The following TMEM87B variants were observed in gnomAD, a reference collection of about 807,000 sequenced individuals.
TMEM87B encodes the protein transmembrane protein 87B.
A neutral mutation model predicts 80.3 loss-of-function variants in TMEM87B; 83 were observed. The ratio of observed to expected loss-of-function variants is 1.03; its 90% confidence interval spans 0.87 to 1.24. The LOEUF is 1.24. TMEM87B is among the 50% of genes most tolerant of loss of function. The pLI, the probability that TMEM87B is intolerant of heterozygous loss-of-function variation, is 0.00. For missense variants in TMEM87B, 625 were observed against 674.4 expected, an observed-to-expected ratio of 0.93 and a Z score of 0.81; for synonymous variants, 219 against 230.5, an observed-to-expected ratio of 0.95 and a Z score of 0.45.
intron 9 of TMEM87B, among the ~76,000 whole-genome samples, chr2:112,087,370 T>C (rs1679178985): frequency 6.6e-6 from 1 of 152,052 alleles, no homozygotes. Context: ...GCCACTATTT[T>C]CTCACTCTCC....
At chr2:112,082,285 T>G (rs1679022092) in intron 8 of TMEM87B, among the ~76,000 whole-genome samples, 1 of 152,188 alleles carries the variant, frequency 6.6e-6, no homozygotes, top group Non-Finnish European at 1.5e-5. Context: ...ATTGACAAGG[T>G]CTTGATCTGT....
chr2:112,109,134 A>G (rs949850163), intron 17 of TMEM87B, among the ~76,000 whole-genome samples: 1 of 152,232 alleles, frequency 6.6e-6, no homozygotes, highest in Non-Finnish European at 1.5e-5. Context: ...GTGTTATTTA[A>G]CTAAACTGTG....
chr2:112,112,830 T>C, intron 17 of TMEM87B, 69 bp from the exon 18 acceptor site: 1 of 1,461,988 alleles, frequency 6.8e-7, no homozygotes, highest in African/African-American at 1.4e-5. Flanking sequence ...TGTGCCTGTA[T>C]TCGGCTTTCG....
At chr2:112,055,783 T>C in intron 1 of TMEM87B, 27 bp downstream of exon 1, 1 of 1,452,318 alleles carries the variant, frequency 6.9e-7, no homozygotes, top group Non-Finnish European at 9.1e-7. Context: ...GACCCAGGCG[T>C]GGCACGTCTC....
At chr2:112,106,509 TTTG>T (rs1679772872) in intron 16 of TMEM87B, among the ~76,000 whole-genome samples, 1 of 152,184 alleles carries the variant, frequency 6.6e-6, no homozygotes, top group African/African-American at 2.4e-5. Flanking sequence ...TAAAATAACA[TTTG>T]TTATCTGTTG....
At chr2:112,102,165 T>C (rs1166264597) in intron 15 of TMEM87B, among the ~76,000 whole-genome samples, 1 of 152,122 alleles carries the variant, frequency 6.6e-6, no homozygotes, top group Non-Finnish European at 1.5e-5. Context: ...CCAGTACAAT[T>C]GAAATGCCAA....
intron 3 of TMEM87B, among the ~76,000 whole-genome samples, chr2:112,065,464 G>T (rs758303057): frequency 4.6e-5 from 7 of 151,962 alleles, no homozygotes; most frequent in Non-Finnish European, 8.8e-5. Flanking sequence ...TGGGCAACAA[G>T]TGAGACCCTG....
At chr2:112,063,280 G>C (rs991543067) in intron 2 of TMEM87B, among the ~76,000 whole-genome samples, 1 of 152,192 alleles carries the variant, frequency 6.6e-6, no homozygotes, top group Non-Finnish European at 1.5e-5. Flanking sequence ...CACTCACTCT[G>C]GGGTAAGCCA....
chr2:112,088,388 C>T (rs1208936543), intron 9 of TMEM87B, among the ~76,000 whole-genome samples: 2 of 152,116 alleles, frequency 1.3e-5, no homozygotes, highest in Admixed American at 6.5e-5. Flanking sequence ...TTGCTCGGCT[C>T]AACTCATAAA....
intron 9 of TMEM87B, among the ~76,000 whole-genome samples, chr2:112,089,283 C>T (rs1268122085): frequency 6.6e-6 from 1 of 152,180 alleles, no homozygotes; most frequent in Non-Finnish European, 1.5e-5. Context: ...TAGAAGTTGG[C>T]ATTTACCTTC....
chr2:112,055,380 C>T lies in TMEM87B; in HGVS notation c.-212C>T, dbSNP rs1054220077. On this transcript the variant is annotated 5_prime_UTR_variant, in exon 1 of 19. Transcript: ENST00000283206. The stretch of plus-strand genomic sequence containing the variant: ...CATCTCCCAGCTGCACGCTCGGGCC[C>T]GGCTCAGAGCCCTAAGCCCTGCCTC... 4 of 545,296 alleles carry T rather than the reference C, an allele frequency of 7.3e-6. No individual in the cohort carries two copies. The highest frequency in any genetic ancestry group is 1.2e-5 in the Non-Finnish European group (4 of 321,934). 33.8% of individuals were successfully genotyped at this position (545,296 alleles called of 1,614,324 possible).
Position 112,097,165 on chromosome 2 carries a change from A to AT in TMEM87B, c.1213+18dup. The AT allele has an allele frequency of 6.3e-7, 1 of 1,592,468 alleles. No individual in the cohort carries two copies. The highest frequency in any genetic ancestry group is 8.5e-7 in the Non-Finnish European group (1 of 1,172,716). The stretch of plus-strand genomic sequence containing the variant: ...TTTGCTGTGCTGGGTAAGCTATTTA[A>AT]TTTTTCTTACAGTAAATTATCTTAG... On this transcript the variant is annotated intron_variant, in intron 12 of 18. Coordinates refer to ENST00000283206, the MANE Select transcript of TMEM87B (RefSeq NM_032824.3).
chr2:112,096,988 T>G (rs1679486886), intron 11 of TMEM87B, 56 bp from the exon 12 acceptor site: 24 of 1,145,890 alleles, frequency 2.1e-5, no homozygotes, highest in South Asian at 2.8e-5. Flanking sequence ...AAGATTCTGT[T>G]TTTTTTTTTT....
intron 18 of TMEM87B, 65 bp from the exon 19 acceptor site, chr2:112,116,019 A>C (rs1680013504): frequency 7.4e-7 from 1 of 1,354,562 alleles, no homozygotes; most frequent in Non-Finnish European, 1.0e-6. Flanking sequence ...AGATTAGAAA[A>C]TTTTTGTTAG....
At chr2:112,061,788 G>A (rs898339578) in intron 2 of TMEM87B, among the ~76,000 whole-genome samples, 3 of 152,222 alleles carry the variant, frequency 2.0e-5, no homozygotes, top group African/African-American at 7.2e-5. Flanking sequence ...GAATGGGACA[G>A]CATGAGGGAT....
chr2:112,089,653 G>T lies in TMEM87B; in HGVS notation c.967G>T (p.Val323Leu), dbSNP rs765663447. The change falls in exon 10 of 19, where the codon GTG (valine) becomes TTG (leucine). Residue 323 changes from valine to leucine, a missense_variant. By Grantham distance (32) the Val-to-Leu change is conservative. Coordinates refer to ENST00000283206, the MANE Select transcript of TMEM87B (RefSeq NM_032824.3). The part of the protein sequence containing the change: ...KPRLGTVMHR[V>L]IGLGLLYLIF... ...TCGTTTAGGAACAGTCATGCACCGG[G>T]TGATCGGACTGGGGCTTCTATACTT... 1 of 1,614,046 alleles carries T rather than the reference G, an allele frequency of 6.2e-7. No individual in the cohort carries two copies. The highest frequency in any genetic ancestry group is 8.5e-7 in the Non-Finnish European group (1 of 1,180,016).
At position 112,055,300 on chromosome 2, in the gene TMEM87B, G is replaced by C. The variant is rs954112436; in HGVS notation, c.-292G>C. Reference sequence around the variant, plus strand: ...ACGCCCACGCTAGGCCCTGAGCCCAGCCTCCACGTCTCGCCGCCAACTCCA... The same window carrying C: ...ACGCCCACGCTAGGCCCTGAGCCCACCCTCCACGTCTCGCCGCCAACTCCA... On this transcript the variant is annotated 5_prime_UTR_variant, in exon 1 of 19. Coordinates refer to ENST00000283206, the MANE Select transcript of TMEM87B (RefSeq NM_032824.3). 4.4e-6 allele frequency: 2 copies of C among 449,942 alleles called. No individual in the cohort carries two copies. The highest frequency in any genetic ancestry group is 7.9e-6 in the Non-Finnish European group (2 of 253,894). The allele number at this position is 449,942 out of a possible 1,614,324, so 27.9% of individuals were successfully genotyped here.
At chr2:112,084,215 A>C (rs1054501438) in intron 8 of TMEM87B, among the ~76,000 whole-genome samples, 3 of 152,144 alleles carry the variant, frequency 2.0e-5, no homozygotes. Flanking sequence ...AGGAGTATAG[A>C]CAGCCCATGG....
intron 16 of TMEM87B, among the ~76,000 whole-genome samples, chr2:112,106,482 G>A (rs896364416): frequency 6.6e-6 from 1 of 151,970 alleles, no homozygotes; most frequent in Non-Finnish European, 1.5e-5. Context: ...CTATGAAAGT[G>A]ATTTTTGAAG....
Sources: gnomAD v4.1 joint callset for allele counts (sites outside exome capture counted in the v4.1 genomes callset) on GRCh38, gnomAD v4.1.1 for gene constraint, MANE v1.5 for transcripts, NCBI Gene and HGNC (gene_info 2026-07-23, HGNC 2026-07-21) for gene names.